Variants in PRKCB observed in about 807,000 individuals in gnomAD.
PRKCB encodes the protein protein kinase C beta type.
PRKCB carries 13 observed loss-of-function variants against 81.5 expected under a neutral mutation model. The observed-to-expected ratio is 0.16, with a 90% CI of 0.10 to 0.25. PRKCB has a LOEUF of 0.25. Among genes scored for constraint, PRKCB ranks in the 10% least tolerant of loss-of-function variants. The probability of loss-of-function intolerance (pLI) is 1.00; values close to 1 mark genes in which losing one functional copy is unlikely to be tolerated. For synonymous variants in PRKCB, 335 were observed against 321.4 expected, an observed-to-expected ratio of 1.04 and a Z score of -0.45; for missense variants, 509 against 875.7, an observed-to-expected ratio of 0.58 and a Z score of 5.29.
intron 3 of PRKCB, among the ~76,000 whole-genome samples, chr16:24,009,311 A>T (rs530060587): frequency 6.6e-6 from 1 of 152,344 alleles, no homozygotes; most frequent in Admixed American, 6.5e-5. Context: ...TCCGAGGAAG[A>T]CATACAAATG....
chr16:23,875,617 CATATATGTATGTATATCACACAT>C (rs1567298536), intron 2 of PRKCB, among the ~76,000 whole-genome samples: 30 of 33,114 alleles, frequency 9.1e-4, no homozygotes, highest in African/African-American at 2.3e-3. Context: ...ATATCACACA[CATATATGTATGTATATCACACAT>C]ATATGTATGT....
intron 5 of PRKCB, 149 bp downstream of exon 5, chr16:24,035,696 C>G: frequency 1.0e-6 from 1 of 975,794 alleles, no homozygotes; most frequent in East Asian, 2.7e-5. Flanking sequence ...CTGCCCCATG[C>G]CCTGCCCATG....
At position 23,865,259 on chromosome 16, in the gene PRKCB, TTTTG is replaced by T. The variant is rs1346213978; in HGVS notation, c.205+27859_205+27862del. On this transcript the variant is annotated intron_variant, in intron 2 of 16. Coordinates refer to ENST00000643927, the MANE Select transcript of PRKCB (RefSeq NM_002738.7). Reference sequence around the variant, plus strand: ...AATAGAAATCAAGATTTATTTTCTGTTTTGTTTGTGTGTGTGTGTGTGTGTGTGT... The same window carrying T: ...AATAGAAATCAAGATTTATTTTCTGTTTTGTGTGTGTGTGTGTGTGTGTGT... Among the ~76,000 whole-genome samples the T allele has an allele frequency of 2.5e-4, 20 of 80,146 alleles. No individual in the cohort carries two copies. The South Asian group carries it at 6.0e-3, about 24-fold the overall frequency. The allele number at this position is 80,146 out of a possible 152,430, so 52.6% of individuals were successfully genotyped here.
At chr16:24,032,292 A>T (rs1965559918) in intron 4 of PRKCB, 45 bp downstream of exon 4, 1 of 1,393,348 alleles carries the variant, frequency 7.2e-7, no homozygotes, top group Non-Finnish European at 1.0e-6. Flanking sequence ...TGGCAGAAGC[A>T]ATGGGAAGGG....
intron 15 of PRKCB, 82 bp downstream of exon 15, chr16:24,185,649 G>C: frequency 1.7e-6 from 2 of 1,159,004 alleles, no homozygotes; most frequent in Non-Finnish European, 2.6e-6. Context: ...CACCCCACCA[G>C]GGGGGAACAC....
chr16:23,988,476 C>T (rs762805670), intron 2 of PRKCB, 32 bp from the exon 3 acceptor site: 3 of 1,592,062 alleles, frequency 1.9e-6, no homozygotes, highest in South Asian at 2.2e-5. Flanking sequence ...TTCCTTCTTC[C>T]CTTCCTCCCA....
At chr16:24,050,513 CACAA>C (rs1440830719) in intron 5 of PRKCB, among the ~76,000 whole-genome samples, 1 of 151,950 alleles carries the variant, frequency 6.6e-6, no homozygotes, top group East Asian at 1.9e-4. Flanking sequence ...AGCACAAACT[CACAA>C]ACACACACAC....
intron 9 of PRKCB, among the ~76,000 whole-genome samples, chr16:24,136,142 G>A (rs1022853831): frequency 4.7e-5 from 7 of 149,884 alleles, no homozygotes; most frequent in Non-Finnish European, 8.9e-5. Context: ...ATCCTCGTGA[G>A]GCCCTTCTTC....
chr16:24,203,454 C>T (rs758099261), intron 16 of PRKCB, among the ~76,000 whole-genome samples: 2 of 152,110 alleles, frequency 1.3e-5, no homozygotes, highest in Non-Finnish European at 2.9e-5. Flanking sequence ...ACAATAATAA[C>T]ATCAATCCAG....
chr16:23,981,712 T>TTCCCC (rs1964710630), intron 2 of PRKCB, among the ~76,000 whole-genome samples: 3 of 50,314 alleles, frequency 6.0e-5, no homozygotes, highest in Non-Finnish European at 1.1e-4. Flanking sequence ...TCCCCTTCCC[T>TTCCCC]TTCCCTTCCC....
chr16:24,173,431 G>A (rs1190835066), intron 11 of PRKCB, among the ~76,000 whole-genome samples: 2 of 152,122 alleles, frequency 1.3e-5, no homozygotes, highest in Non-Finnish European at 2.9e-5. Context: ...TAGAGGCTTG[G>A]TGGCTCCTAC....
At chr16:24,204,056 C>G (rs1382262392) in intron 16 of PRKCB, among the ~76,000 whole-genome samples, 2 of 151,966 alleles carry the variant, frequency 1.3e-5, no homozygotes, top group African/African-American at 4.8e-5. Context: ...GCGTACAGGA[C>G]CTCTTTCAAG....
At chr16:23,963,626 A>G (rs1226075563) in intron 2 of PRKCB, 3 of 152,062 alleles carry the variant, frequency 2.0e-5, no homozygotes, top group African/African-American at 7.2e-5. Flanking sequence ...GTTGGAGGTG[A>G]TCTTCTCTGA....
At chr16:23,976,120 A>C (rs754130630) in intron 2 of PRKCB, among the ~76,000 whole-genome samples, 53 of 152,256 alleles carry the variant, frequency 3.5e-4, no homozygotes, top group Non-Finnish European at 6.5e-4. Context: ...CAGCCTGGTC[A>C]ACCTAGTGAG....
chr16:24,190,603 T>C (rs537044220), intron 15 of PRKCB, among the ~76,000 whole-genome samples: 7 of 147,710 alleles, frequency 4.7e-5, no homozygotes, highest in Admixed American at 6.8e-5. Context: ...CACTGCAACC[T>C]CCGCTTCCCG....
chr16:23,867,182 G>A lies in PRKCB; in HGVS notation c.205+29776G>A, dbSNP rs757593018. Among the ~76,000 whole-genome samples the A allele has an allele frequency of 8.0e-5, 12 of 150,858 alleles. 1 individual carries two copies. Among genetic ancestry groups the A allele is most frequent in the Admixed American group, 1.3e-4 (2 of 15,064 alleles). ...ACTCTGTCGCCCAGGCTGGAATGCC[G>A]TGGCATGATCTCAGCTCACTGCAAC... On this transcript the variant is annotated intron_variant, in intron 2 of 16. Transcript: ENST00000643927.
intron 16 of PRKCB, among the ~76,000 whole-genome samples, chr16:24,201,347 A>G (rs1274493036): frequency 6.6e-6 from 1 of 152,200 alleles, no homozygotes; most frequent in African/African-American, 2.4e-5. Context: ...CAATGCCAGC[A>G]GGGAAACATT....
intron 16 of PRKCB, among the ~76,000 whole-genome samples, chr16:24,212,059 G>C (rs1968146556): frequency 6.6e-6 from 1 of 152,226 alleles, no homozygotes; most frequent in African/African-American, 2.4e-5. Flanking sequence ...TTTCTCATCA[G>C]TATCACCCCA....
intron 2 of PRKCB, among the ~76,000 whole-genome samples, chr16:23,924,210 C>T (rs1209117633): frequency 6.6e-6 from 1 of 152,042 alleles, no homozygotes; most frequent in African/African-American, 2.4e-5. Context: ...ACTCCTCACT[C>T]TTCTCTCTCC....
Sources: gnomAD v4.1 joint callset for allele counts (sites outside exome capture counted in the v4.1 genomes callset) on GRCh38, gnomAD v4.1.1 for gene constraint, MANE v1.5 for transcripts, NCBI Gene and HGNC (gene_info 2026-07-23, HGNC 2026-07-21) for gene names.